The following EXOC4 variants were observed in gnomAD, a reference collection of about 807,000 sequenced individuals.
EXOC4 encodes exocyst complex component 4, also known as SEC8-like 1.
Under a neutral mutation model 107.2 loss-of-function variants are expected in EXOC4, and 71 were observed. The observed-to-expected ratio is 0.66, with a 90% confidence interval of 0.55 to 0.81. The LOEUF (loss-of-function observed/expected upper bound fraction) is 0.81, where lower values mean the gene tolerates loss of function less well. Among genes scored for constraint, EXOC4 ranks in the 30% least tolerant of loss-of-function variants. The pLI, the probability that EXOC4 is intolerant of heterozygous loss-of-function variation, is 0.00. For synonymous variants in EXOC4, 456 were observed against 441.2 expected, an observed-to-expected ratio of 1.03 and a Z score of -0.42; for missense variants, 1,108 against 1,189.6, an observed-to-expected ratio of 0.93 and a Z score of 1.01.
At chr7:133,902,443 G>T (rs1799473561) in intron 12 of EXOC4, among the ~76,000 whole-genome samples, 1 of 152,208 alleles carries the variant, frequency 6.6e-6, no homozygotes, top group Non-Finnish European at 1.5e-5. Flanking sequence ...GCTAGTACAA[G>T]AGTTTGTAGA....
chr7:133,817,187 T>A, intron 10 of EXOC4, 138 bp from the exon 11 acceptor site: 1 of 577,218 alleles, frequency 1.7e-6, no homozygotes, highest in Non-Finnish European at 3.1e-6. Context: ...AGATTAAAAA[T>A]TATATAGAGA....
chr7:133,537,267 C>T (rs1800288278), intron 9 of EXOC4, among the ~76,000 whole-genome samples: 1 of 151,644 alleles, frequency 6.6e-6, no homozygotes. Flanking sequence ...TCTTGTGCCT[C>T]AGCCTCCTGG....
intron 7 of EXOC4, among the ~76,000 whole-genome samples, chr7:133,397,468 G>A (rs540980915): frequency 1.3e-5 from 2 of 152,096 alleles, no homozygotes; most frequent in African/African-American, 4.8e-5. Context: ...TAAAGTTGCA[G>A]TCTCCTTAAC....
intron 3 of EXOC4, 122 bp downstream of exon 3, chr7:133,289,238 C>A: frequency 1.3e-6 from 1 of 763,556 alleles, no homozygotes; most frequent in Non-Finnish European, 2.1e-6. Flanking sequence ...GATTCATGAG[C>A]CCTTGAAGGT....
chr7:134,099,635 A>G, the EXOC4 span, among the ~76,000 whole-genome samples: 2 of 143,596 alleles, frequency 1.4e-5, no homozygotes, highest in Admixed American at 7.6e-5. Context: ...GGTTCATGCC[A>G]TTCTCCTGCC....
chr7:133,961,901 C>G (rs1800953925), intron 14 of EXOC4, among the ~76,000 whole-genome samples: 2 of 152,188 alleles, frequency 1.3e-5, no homozygotes, highest in South Asian at 4.1e-4. Flanking sequence ...TCTATGCACT[C>G]TAATGTGGTA....
chr7:133,855,104 A>AAATATATCTAAAT (rs1798334442), intron 11 of EXOC4, among the ~76,000 whole-genome samples: 1 of 61,890 alleles, frequency 1.6e-5, no homozygotes, highest in African/African-American at 6.1e-5. Context: ...TATATATATA[A>AAATATATCTAAAT]ATATATATAA....
At chr7:134,055,126 A>C (rs945310900) in intron 17 of EXOC4, among the ~76,000 whole-genome samples, 3 of 152,152 alleles carry the variant, frequency 2.0e-5, no homozygotes, top group Non-Finnish European at 1.5e-5. Context: ...TCTTCTACGA[A>C]ATCATTTTCC....
At chr7:133,323,962 T>G (rs896023915) in intron 5 of EXOC4, among the ~76,000 whole-genome samples, 2 of 152,208 alleles carry the variant, frequency 1.3e-5, no homozygotes, top group African/African-American at 4.8e-5. Context: ...GTCAAGGAAT[T>G]TATCCATTTC....
rs1031247370 is a variant in EXOC4 at position 133,910,158 on chromosome 7, G to A, written c.1872-7425G>A. 3.3e-5 allele frequency among the ~76,000 whole-genome samples: 5 copies of A among 152,226 alleles called. No homozygotes were observed. In the South Asian group the frequency reaches 8.3e-4, roughly 25 times the overall value. ...GCTGGTCTCAAACTCCTGACCTCAG[G>A]TGATCCACCCATCTCGGCCTCCCAA... On this transcript the variant is annotated intron_variant, in intron 12 of 17. Transcript: ENST00000253861.
chr7:134,092,586 A>G, the EXOC4 span, among the ~76,000 whole-genome samples: 1 of 152,192 alleles, frequency 6.6e-6, no homozygotes, highest in South Asian at 2.1e-4. Context: ...AATTCCAACC[A>G]AGAATTTCAT....
At chr7:133,604,706 C>CCTTCTTTTTTTTTTTTTT (rs1191856891) in intron 9 of EXOC4, among the ~76,000 whole-genome samples, 1 of 87,536 alleles carries the variant, frequency 1.1e-5, no homozygotes, top group African/African-American at 4.4e-5. Context: ...TTCCTTCCTT[C>CCTTCTTTTTTTTTTTTTT]TTTCTTTTTT....
chr7:133,406,616 T>C (rs953431269), intron 7 of EXOC4, among the ~76,000 whole-genome samples: 4 of 152,214 alleles, frequency 2.6e-5, no homozygotes, highest in African/African-American at 9.6e-5. Flanking sequence ...GAAATTCTTA[T>C]AGCTAGAAGG....
chr7:133,924,554 C>T (rs1800009834), intron 13 of EXOC4, among the ~76,000 whole-genome samples: 1 of 152,188 alleles, frequency 6.6e-6, no homozygotes, highest in South Asian at 2.1e-4. Flanking sequence ...TGAGTTGTAT[C>T]ACTTTCTATC....
At chr7:133,342,219 T>C (rs927105837) in intron 5 of EXOC4, among the ~76,000 whole-genome samples, 2 of 152,148 alleles carry the variant, frequency 1.3e-5, no homozygotes, top group African/African-American at 2.4e-5. Context: ...TAGCAGTTCT[T>C]GTGGTGGCTT....
At chr7:133,585,276 TTTAGGTTTC>T (rs1361232256) in intron 9 of EXOC4, among the ~76,000 whole-genome samples, 1 of 152,234 alleles carries the variant, frequency 6.6e-6, no homozygotes, top group Non-Finnish European at 1.5e-5. Context: ...TTTCCTAAAC[TTTAGGTTTC>T]TTATGTGTAA....
chr7:133,473,319 T>G (rs1448710041), intron 7 of EXOC4, among the ~76,000 whole-genome samples: 1 of 152,200 alleles, frequency 6.6e-6, no homozygotes, highest in East Asian at 1.9e-4. Flanking sequence ...AATACTCTAG[T>G]GGCTTCATAA....
intron 12 of EXOC4, among the ~76,000 whole-genome samples, chr7:133,897,389 A>G (rs569250845): frequency 6.6e-6 from 1 of 152,296 alleles, no homozygotes; most frequent in Non-Finnish European, 1.5e-5. Context: ...GTACTAAATA[A>G]TAATTATAAT....
intron 7 of EXOC4, among the ~76,000 whole-genome samples, chr7:133,389,208 G>A (rs537620252): frequency 6.6e-6 from 1 of 152,270 alleles, no homozygotes; most frequent in South Asian, 2.1e-4. Context: ...GCAGGGAAAA[G>A]AAAGGCAATA....
Sources: gnomAD v4.1 joint callset for allele counts (sites outside exome capture counted in the v4.1 genomes callset) on GRCh38, gnomAD v4.1.1 for gene constraint, MANE v1.5 for transcripts, NCBI Gene and HGNC (gene_info 2026-07-23, HGNC 2026-07-21) for gene names.